TBC1D1: variants seen among roughly 807,000 people sequenced by gnomAD.
TBC1D1 encodes TBC1 (tre-2/USP6, BUB2, cdc16) domain family, member 1.
A neutral mutation model predicts 125.6 loss-of-function variants in TBC1D1; 89 were observed. That is an observed-to-expected ratio of 0.71 (90% CI 0.60 to 0.85). TBC1D1 has a LOEUF of 0.85. TBC1D1 is among the 40% of genes least tolerant of loss of function. The pLI is 0.00. For missense variants in TBC1D1, 1,377 were observed against 1,469.2 expected, an observed-to-expected ratio of 0.94 and a Z score of 1.03; for synonymous variants, 565 against 564.1, an observed-to-expected ratio of 1.00 and a Z score of -0.02.
intron 12 of TBC1D1, among the ~76,000 whole-genome samples, chr4:38,069,748 C>T (rs750362817): frequency 6.6e-6 from 1 of 152,214 alleles, no homozygotes; most frequent in African/African-American, 2.4e-5. Flanking sequence ...TGGCCCAGCT[C>T]AGGGTCACTT....
chr4:37,952,302 C>A, intron 2 of TBC1D1: 1 of 533,244 alleles, frequency 1.9e-6, no homozygotes, highest in South Asian at 2.2e-5. Flanking sequence ...GTTCTGTTGA[C>A]TTGGGGAAAG....
At position 38,006,532 on chromosome 4, in the gene TBC1D1, G is replaced by A. The variant is rs186736318; in HGVS notation, c.418-7977G>A. 1.1e-4 allele frequency among the ~76,000 whole-genome samples: 15 copies of A among 136,798 alleles called. No individual in the cohort carries two copies. The East Asian group carries it at 3.3e-3, about 30-fold the overall frequency. The allele number at this position is 136,798 out of a possible 152,430, so 89.7% of individuals were successfully genotyped here. A position where few individuals can be genotyped will look rare whatever the true frequency, so the allele number is the denominator to read the frequency against. On this transcript the variant is annotated intron_variant, in intron 2 of 19. Coordinates refer to ENST00000261439, the MANE Select transcript of TBC1D1 (RefSeq NM_015173.4). ...CTTGCTTTGTCACCCAGGCTGGAGT[G>A]CAGTGGCACAATCTCGTCTCACTGC...
In TBC1D1 at chr4:37,920,067, A is replaced by C. The variant is rs565578411; in HGVS notation, c.417+17555A>C. ...GGCGGAGCTTGCAGTGAGCCGAGAT[A>C]ACGCCACTGCACTCCGGCCTGTGCC... On this transcript the variant is annotated intron_variant, in intron 2 of 19. Coordinates refer to ENST00000261439, the MANE Select transcript of TBC1D1 (RefSeq NM_015173.4). Among the ~76,000 whole-genome samples the C allele has an allele frequency of 2.0e-4, 31 of 152,304 alleles. 1 individual carries two copies. In the South Asian group the frequency reaches 6.2e-3, roughly 31 times the overall value.
At chr4:38,122,987 TG>T (rs1034129679) in intron 17 of TBC1D1, among the ~76,000 whole-genome samples, 19 of 135,228 alleles carry the variant, frequency 1.4e-4, no homozygotes, top group African/African-American at 4.5e-4. Flanking sequence ...GTTGATTTAT[TG>T]TAAAAAAACC....
intron 13 of TBC1D1, 21 bp from the exon 16 acceptor site, chr4:38,095,908 C>T (rs1256761746): frequency 1.2e-6 from 2 of 1,602,662 alleles, no homozygotes; most frequent in Admixed American, 3.5e-5. Context: ...TACTAATGCG[C>T]TCTGGAATGG....
At chr4:38,009,900 C>G (rs1284745862) in intron 2 of TBC1D1, among the ~76,000 whole-genome samples, 1 of 152,144 alleles carries the variant, frequency 6.6e-6, no homozygotes, top group Admixed American at 6.5e-5. Context: ...CAATAAGATG[C>G]TTTTTGGGTT....
chr4:38,019,839 T>C (rs1015445075), intron 4 of TBC1D1, among the ~76,000 whole-genome samples: 1 of 152,210 alleles, frequency 6.6e-6, no homozygotes, highest in Non-Finnish European at 1.5e-5. Flanking sequence ...TTTGACTCTT[T>C]CTTTATTCCA....
chr4:38,033,484 T>G (rs1746605344), intron 7 of TBC1D1, among the ~76,000 whole-genome samples: 1 of 152,178 alleles, frequency 6.6e-6, no homozygotes, highest in Non-Finnish European at 1.5e-5. Flanking sequence ...CCCCACAGTT[T>G]CTCCGATTTT....
intron 12 of TBC1D1, chr4:38,055,012 G>C (rs1164095233): frequency 1.3e-5 from 2 of 152,154 alleles, no homozygotes; most frequent in South Asian, 4.1e-4. Flanking sequence ...CATGCACCAG[G>C]TAAATTCCGC....
chr4:37,933,050 T>A (rs1321747033), intron 2 of TBC1D1, among the ~76,000 whole-genome samples: 18 of 144,690 alleles, frequency 1.2e-4, no homozygotes, highest in East Asian at 6.1e-4. Flanking sequence ...AGACTCCATT[T>A]AAAAACAAAA....
At chr4:37,984,773 G>A (rs1020761156) in intron 2 of TBC1D1, among the ~76,000 whole-genome samples, 1 of 151,318 alleles carries the variant, frequency 6.6e-6, no homozygotes, top group Non-Finnish European at 1.5e-5. Context: ...AGCCTGGGAG[G>A]CAGAGGTTGT....
At chr4:37,970,282 G>A (rs1462018238) in intron 2 of TBC1D1, among the ~76,000 whole-genome samples, 1 of 152,048 alleles carries the variant, frequency 6.6e-6, no homozygotes, top group Non-Finnish European at 1.5e-5. Context: ...TTCAGGATTT[G>A]GTATTATCCT....
Position 38,090,034 on chromosome 4 carries a change from G to A in TBC1D1, c.2153G>A (p.Arg718His), listed in dbSNP as rs202172601. 1,018 of 1,613,988 alleles carry A rather than the reference G, an allele frequency of 6.3e-4. No homozygotes were observed. The highest frequency in any genetic ancestry group is 8.2e-4 in the Non-Finnish European group (967 of 1,180,000). The change falls in exon 13 of 20, where the codon CGT (arginine) becomes CAT (histidine). Residue 718 changes from arginine to histidine, a missense_variant. Around this residue, in one of 3 missense-constraint regions of TBC1D1, gnomAD observed 543 missense variants for 613.5 expected, o/e 0.89. Coordinates refer to ENST00000261439, the MANE Select transcript of TBC1D1 (RefSeq NM_015173.4). ...CCAGAGGAAAAGAAAAGGACATCTC[G>A]TGAGCTCCGAGAGCTGTGGCAAAAG...
chr4:37,909,982 G>A (rs563624372), intron 2 of TBC1D1, among the ~76,000 whole-genome samples: 2 of 152,158 alleles, frequency 1.3e-5, no homozygotes, highest in Non-Finnish European at 2.9e-5. Flanking sequence ...CATGAACTCC[G>A]AAGTATTTGT....
intron 11 of TBC1D1, among the ~76,000 whole-genome samples, chr4:38,052,780 T>G (rs1751002993): frequency 6.8e-6 from 1 of 146,988 alleles, no homozygotes; most frequent in South Asian, 2.1e-4. Flanking sequence ...ACATCTGTGT[T>G]TGATCATGTA....
intron 12 of TBC1D1, among the ~76,000 whole-genome samples, chr4:38,072,173 C>T (rs2152512348): frequency 6.6e-6 from 1 of 152,268 alleles, no homozygotes; most frequent in East Asian, 1.9e-4. Flanking sequence ...AAGTGCAAGC[C>T]CTCAGAAAAC....
At chr4:38,038,812 G>A (rs1002965130) in intron 8 of TBC1D1, among the ~76,000 whole-genome samples, 5 of 152,026 alleles carry the variant, frequency 3.3e-5, no homozygotes, top group Non-Finnish European at 5.9e-5. Context: ...CAGGTGTGGT[G>A]GCGGGTGCCT....
chr4:37,991,700 T>G (rs1736603800), intron 2 of TBC1D1, among the ~76,000 whole-genome samples: 1 of 152,030 alleles, frequency 6.6e-6, no homozygotes, highest in Admixed American at 6.6e-5. Context: ...CACTGGACGA[T>G]TTTATCCCAA....
intron 2 of TBC1D1, chr4:37,952,558 T>G (rs1728108044): frequency 6.2e-6 from 1 of 161,474 alleles, no homozygotes; most frequent in South Asian, 1.7e-4. Flanking sequence ...TGTTCTCATT[T>G]ATAAGTGGGA....
Sources: allele counts gnomAD v4.1 joint callset (sites outside exome capture counted in the v4.1 genomes callset), GRCh38; gene constraint gnomAD v4.1.1; regional missense constraint gnomAD v4.1.1; transcripts MANE v1.5; gene names NCBI Gene and HGNC (gene_info 2026-07-23, HGNC 2026-07-21).